Variants in ILDR2 observed in about 807,000 individuals in gnomAD.
ILDR2 encodes the protein immunoglobulin like domain containing receptor 2.
ILDR2 carries 25 observed loss-of-function variants against 66.8 expected under a neutral mutation model. The ratio of observed to expected loss-of-function variants is 0.37; its 90% CI spans 0.27 to 0.52. ILDR2 has a LOEUF of 0.52. Among genes scored for constraint, ILDR2 ranks in the 20% least tolerant of loss-of-function variants. ILDR2 has a pLI of 0.88. For missense variants in ILDR2, 827 were observed against 876.8 expected (o/e 0.94, Z 0.72); for synonymous variants, 367 against 357.2 (o/e 1.03, Z -0.31).
At chr1:166,943,353 G>A (rs1400870416) in intron 3 of ILDR2, among the ~76,000 whole-genome samples, 4 of 151,920 alleles carry the variant, frequency 2.6e-5, no homozygotes, top group African/African-American at 9.7e-5. Context: ...TTAGCTGGGC[G>A]TGGTGGCGGG....
intron 1 of ILDR2, among the ~76,000 whole-genome samples, chr1:166,970,009 A>G (rs1260580330): frequency 6.6e-6 from 1 of 152,248 alleles, no homozygotes; most frequent in East Asian, 1.9e-4. Flanking sequence ...GCATCATAGC[A>G]TGTAAATAAG....
Position 166,921,226 on chromosome 1 carries a change from G to A in ILDR2, c.1365C>T (p.Ser455=). Residue 455 remains serine (S), a synonymous_variant, in exon 9 of 10, where the codon AGC becomes AGT. Coordinates refer to ENST00000271417, the MANE Select transcript of ILDR2 (RefSeq NM_199351.3). This position sits in a 1 kb window ranked among gnomAD's most constrained non-coding sequence, Gnocchi z 5.3. The part of the protein sequence containing the change: ...DGNSHEARGG[S]RFERSESRAH... ...CCCGCGACTCCGAGCGCTCGAAGCG[G>A]CTCCCGCCCCGCGCCTCGTGACTGT... 2 of 1,592,936 alleles carry A rather than the reference G, an allele frequency of 1.3e-6. No individual in the cohort carries two copies. Among genetic ancestry groups the A allele is most frequent in the South Asian group, 1.1e-5 (1 of 89,682 alleles).
At chr1:166,899,473 G>C (rs938534019) in intron 2 of ILDR2, among the ~76,000 whole-genome samples, 1 of 152,090 alleles carries the variant, frequency 6.6e-6, no homozygotes, top group African/African-American at 2.4e-5. Context: ...GGGGGAATTT[G>C]AACATACACG....
chr1:166,936,713 A>G lies in ILDR2; in HGVS notation c.581T>C (p.Leu194Pro). 6.2e-7 allele frequency: 1 copy of G among 1,614,160 alleles called. No homozygotes were observed. Among genetic ancestry groups the G allele is most frequent in the African/African-American group, 1.3e-5 (1 of 75,038 alleles). Residue 194 changes from leucine to proline, a missense_variant, in exon 5 of 10, where the codon CTC becomes CCC. Transcript: ENST00000271417. The surrounding 1 kb of genome is among the most constrained non-coding windows in gnomAD (Gnocchi z 5.0). ...GACGAAGAAGAGGAAGACGCCCAGG[A>G]GCACCAGGCCAACAAACACCCACTC... ...MPEWVFVGLV[L>P]LGVFLFFVLV... is the part of the protein sequence containing the mutation.
intron 3 of ILDR2, among the ~76,000 whole-genome samples, chr1:166,955,170 C>T (rs1662201294): frequency 6.6e-6 from 1 of 152,180 alleles, no homozygotes; most frequent in African/African-American, 2.4e-5. Context: ...TTTACTTTTT[C>T]ATTTCCTGCT....
intron 2 of ILDR2, among the ~76,000 whole-genome samples, chr1:166,900,621 T>G (rs1659250093): frequency 6.6e-6 from 1 of 152,242 alleles, no homozygotes; most frequent in Non-Finnish European, 1.5e-5. Context: ...ATAACTTGTT[T>G]AATTCACAGA....
intron 3 of ILDR2, among the ~76,000 whole-genome samples, chr1:166,942,426 A>G (rs912250895): frequency 3.3e-5 from 5 of 152,232 alleles, no homozygotes; most frequent in Non-Finnish European, 7.3e-5. Context: ...GCCCCATAGA[A>G]ATGTGTCTTC....
In ILDR2 at chr1:166,921,567, C is replaced by T. The variant is rs1659944577; in HGVS notation, c.1212-188G>A. On this transcript the variant is annotated intron_variant, in intron 8 of 9. Coordinates refer to ENST00000271417, the MANE Select transcript of ILDR2 (RefSeq NM_199351.3). This position sits in a 1 kb window ranked among gnomAD's most constrained non-coding sequence, Gnocchi z 5.3. ...CCCCAGAACGTCAAGTAGGGGCAACCGAGTCTATTCCACTCGTGTGCCACG... is the reference window on the plus strand; with the variant it reads ...CCCCAGAACGTCAAGTAGGGGCAACTGAGTCTATTCCACTCGTGTGCCACG... Among the ~76,000 whole-genome samples, 1 of 152,168 alleles carries T rather than the reference C, an allele frequency of 6.6e-6. No homozygotes were observed. Among genetic ancestry groups the T allele is most frequent in the Admixed American group, 6.5e-5 (1 of 15,290 alleles).
chr1:166,950,602 C>T (rs184496524), intron 3 of ILDR2, among the ~76,000 whole-genome samples: 157 of 152,200 alleles, frequency 1.0e-3, no homozygotes, highest in African/African-American at 3.4e-3. Context: ...AATTCTGAGA[C>T]GTCCCCTCCC....
At chr1:166,963,773 C>T (rs1662766644) in intron 1 of ILDR2, among the ~76,000 whole-genome samples, 1 of 152,092 alleles carries the variant, frequency 6.6e-6, no homozygotes, top group African/African-American at 2.4e-5. Flanking sequence ...GTATGTTATC[C>T]CCTCCTCCTG....
At chr1:166,945,573 T>A (rs1411166735) in intron 3 of ILDR2, among the ~76,000 whole-genome samples, 1 of 152,256 alleles carries the variant, frequency 6.6e-6, no homozygotes, top group Non-Finnish European at 1.5e-5. Context: ...CCAAAAAGAC[T>A]GTTTTGGTCT....
intron 3 of ILDR2, among the ~76,000 whole-genome samples, chr1:166,949,456 T>A (rs1349019654): frequency 6.6e-6 from 1 of 152,284 alleles, no homozygotes; most frequent in Non-Finnish European, 1.5e-5. Context: ...ATCCTCACTG[T>A]GCTAGGGATA....
intron 1 of ILDR2, among the ~76,000 whole-genome samples, chr1:166,969,709 G>A (rs1663167769): frequency 6.6e-6 from 1 of 152,180 alleles, no homozygotes; most frequent in Non-Finnish European, 1.5e-5. Flanking sequence ...AATATCCAAT[G>A]CCCCATAATA....
intron 2 of ILDR2, among the ~76,000 whole-genome samples, chr1:166,957,300 G>A (rs1361664704): frequency 1.3e-5 from 2 of 152,216 alleles, no homozygotes; most frequent in African/African-American, 4.8e-5. Flanking sequence ...AGAAAGGGTG[G>A]AATTGATGCA....
rs1662030805 is a variant in ILDR2, at chr1:166,952,379, G to C, written c.499+4354C>G. On this transcript the variant is annotated intron_variant, in intron 3 of 9. Transcript: ENST00000271417. Reference sequence around the variant, plus strand: ...AGATACCTGTCACTGTCATCTTAAAGCACCAAAACACTATGCATTTCCATC... The same window carrying C: ...AGATACCTGTCACTGTCATCTTAAACCACCAAAACACTATGCATTTCCATC... 8.5e-5 allele frequency among the ~76,000 whole-genome samples: 13 copies of C among 152,278 alleles called. No homozygotes were observed. The South Asian group carries it at 2.5e-3, about 29-fold the overall frequency.
rs200447388 is a variant in ILDR2 at position 166,935,419 on chromosome 1, G to A, written c.762C>T (p.Pro254=). ...GGACAGAGGGGATGGAGTAAGGGCC[G>A]GGGACACCGGAGACAGAGGGAGGGT... ...AGYPPSVSGV[P]GPYSIPSVPL... Residue 254 remains proline (P), a synonymous_variant, in exon 6 of 10, where the codon CCC becomes CCT. Transcript: ENST00000271417. 1.8e-4 allele frequency: 296 copies of A among 1,613,246 alleles called. No individual in the cohort carries two copies. The highest frequency in any genetic ancestry group is 2.9e-4 in the East Asian group (13 of 44,844).
Position 166,921,330 on chromosome 1 carries a change from C to G in ILDR2, c.1261G>C (p.Gly421Arg). ...TCGTCCATGGAAACGGCCGGCACCC[C>G]CGTGGCGAAGTTCTTCCGCGACAGC... ...EMLSRKNFAT[G>R]VPAVSMDELA... The change falls in exon 9 of 10, where the codon GGG (glycine) becomes CGG (arginine). Residue 421 changes from glycine to arginine, a missense_variant. Physicochemically the swap from Gly to Arg is moderately radical, Grantham distance 125. Around this residue, in one of 2 missense-constraint regions of ILDR2, gnomAD observed 390 missense variants for 353.6 expected, o/e 1.10. Transcript: ENST00000271417. The surrounding 1 kb of genome is among the most constrained non-coding windows in gnomAD (Gnocchi z 5.3). 1 of 1,586,686 alleles carries G rather than the reference C, an allele frequency of 6.3e-7. No homozygotes were observed. Among genetic ancestry groups the G allele is most frequent in the Non-Finnish European group, 8.6e-7 (1 of 1,163,480 alleles).
chr1:166,925,276 C>A (rs1342449072), intron 7 of ILDR2, among the ~76,000 whole-genome samples: 1 of 152,196 alleles, frequency 6.6e-6, no homozygotes, highest in African/African-American at 2.4e-5. Flanking sequence ...GTTCCATGAT[C>A]CAGCCCATGG....
Position 166,921,004 on chromosome 1 carries a change from C to A in ILDR2, c.1587G>T (p.Leu529=), listed in dbSNP as rs1345669822. The A allele has an allele frequency of 6.6e-7, 1 of 1,510,198 alleles. No individual in the cohort carries two copies. Among genetic ancestry groups the A allele is most frequent in the South Asian group, 1.2e-5 (1 of 80,546 alleles). 93.5% of individuals were successfully genotyped at this position (1,510,198 alleles called of 1,614,324 possible). ...GTAPKYDHSY[L]GSARERQARP... ...GCGCCTGGCGCTCCCGCGCGCTGCC[C>A]AGGTACGAGTGGTCGTATTTGGGTG... Residue 529 remains leucine (L), a synonymous_variant, in exon 9 of 10, where the codon CTG becomes CTT. Transcript: ENST00000271417. This position sits in a 1 kb window ranked among gnomAD's most constrained non-coding sequence, Gnocchi z 5.3.
Sources: gnomAD v4.1 joint callset for allele counts (sites outside exome capture counted in the v4.1 genomes callset) on GRCh38, gnomAD v4.1.1 for gene constraint, gnomAD v4.1.1 regional missense constraint, Gnocchi (gnomAD v3.1) non-coding constraint, MANE v1.5 for transcripts, NCBI Gene and HGNC (gene_info 2026-07-23, HGNC 2026-07-21) for gene names.